The following WDFY3 variants were observed in gnomAD, a reference collection of about 807,000 sequenced individuals.
WDFY3 encodes WD repeat and FYVE domain-containing protein 3.
WDFY3 carries 66 observed loss-of-function variants against 409.6 expected under a neutral mutation model. That is an observed-to-expected ratio of 0.16 (90% confidence interval 0.13 to 0.20). The LOEUF (loss-of-function observed/expected upper bound fraction) is 0.20, where lower values mean the gene tolerates loss of function less well. WDFY3 is among the 10% of genes least tolerant of loss of function. The probability of loss-of-function intolerance (pLI) is 1.00; values close to 1 mark genes in which losing one functional copy is unlikely to be tolerated. For synonymous variants in WDFY3, 1,521 were observed against 1,537.1 expected (o/e 0.99, Z 0.25); for missense variants, 3,031 against 4,298.1 (o/e 0.71, Z 8.24).
chr4:84,727,285 C>G (rs113216935), intron 44 of WDFY3, among the ~76,000 whole-genome samples: 2,285 of 152,100 alleles, frequency 0.015, 20 homozygotes, highest in Middle Eastern at 0.034. Context: ...ATAATAGAAC[C>G]TAATGCTAGC....
intron 24 of WDFY3, among the ~76,000 whole-genome samples, chr4:84,783,789 T>C (rs1288516867): frequency 6.6e-6 from 1 of 152,110 alleles, no homozygotes; most frequent in Non-Finnish European, 1.5e-5. Context: ...AAGGCAAATA[T>C]AACTTTAATT....
chr4:84,848,717 G>A (rs1297886250), intron 5 of WDFY3, among the ~76,000 whole-genome samples: 2 of 152,176 alleles, frequency 1.3e-5, no homozygotes, highest in African/African-American at 4.8e-5. Flanking sequence ...AGAACAATGG[G>A]GGATGGAGAG....
intron 7 of WDFY3, among the ~76,000 whole-genome samples, chr4:84,836,250 C>A (rs1316576334): frequency 1.3e-5 from 2 of 152,150 alleles, no homozygotes; most frequent in African/African-American, 4.8e-5. Flanking sequence ...AGTGGAATCA[C>A]GCAGTATTTG....
rs1217124922 is a variant in WDFY3 at position 84,759,543 on chromosome 4, G to A, written c.5189-2382C>T. Among the ~76,000 whole-genome samples, 75 of 150,630 alleles carry A rather than the reference G, an allele frequency of 5.0e-4. 1 individual carries two copies. Among genetic ancestry groups the A allele is most frequent in the African/African-American group, 1.7e-3 (68 of 40,890 alleles). ...ACATCCCTTGTAAGGTGGATTCCTA[G>A]GTATTTTATTCTCTTTGAAGCAATT... On this transcript the variant is annotated intron_variant, in intron 32 of 67. Coordinates refer to ENST00000295888, the MANE Select transcript of WDFY3 (RefSeq NM_014991.6).
chr4:84,698,789 G>A lies in WDFY3; in HGVS notation c.8597-1966C>T, dbSNP rs1244165191. Among the ~76,000 whole-genome samples the A allele has an allele frequency of 2.6e-5, 4 of 152,278 alleles. No homozygotes were observed. The East Asian group carries it at 7.7e-4, about 29-fold the overall frequency. The stretch of plus-strand genomic sequence containing the variant: ...GCTCACTGCAACATCTGCCTCCCGG[G>A]TGAGTCTTGTGCCTCAGCCTTCTGA... On this transcript the variant is annotated intron_variant, in intron 56 of 67. Coordinates refer to ENST00000295888, the MANE Select transcript of WDFY3 (RefSeq NM_014991.6).
chr4:84,817,508 T>A lies in WDFY3; in HGVS notation c.1771A>T (p.Met591Leu). The change falls in exon 13 of 68, where the codon ATG becomes TTG. Residue 591 changes from methionine (M) to leucine (L), a missense_variant. Around this residue, in one of 16 missense-constraint regions of WDFY3, gnomAD observed 1,322 missense variants for 1,697.9 expected, o/e 0.78. Transcript: ENST00000295888. ...KYPQCRQHAL[M>L]TIQQLVLSPN... Reference sequence around the variant, plus strand: ...GAGAGCACCAGCTGTTGGATAGTCATCAAGGCATGCTGCCGGCATTGAGGG... The same window carrying A: ...GAGAGCACCAGCTGTTGGATAGTCAACAAGGCATGCTGCCGGCATTGAGGG... The A allele has an allele frequency of 1.2e-6, 2 of 1,613,856 alleles. No homozygotes were observed. The highest frequency in any genetic ancestry group is 1.7e-6 in the Non-Finnish European group (2 of 1,179,824).
chr4:84,690,569 C>T lies in WDFY3; in HGVS notation c.9300G>A (p.Thr3100=), dbSNP rs376289492. ...PKLVITGGTS[T]VVCVWEMGTS... ...TGCCCATCTCCCACACACACACAAC[C>T]GTGCTTGTTCCACCCGTGATGACCA... Residue 3100 remains threonine, a synonymous_variant, in exon 61 of 68, where the codon ACG becomes ACA. Coordinates refer to ENST00000295888, the MANE Select transcript of WDFY3 (RefSeq NM_014991.6). The T allele has an allele frequency of 6.8e-6, 11 of 1,614,144 alleles. No homozygotes were observed. Among genetic ancestry groups the T allele is most frequent in the African/African-American group, 4.0e-5 (3 of 75,036 alleles).
At chr4:84,767,870 G>T (rs968694363) in intron 30 of WDFY3, among the ~76,000 whole-genome samples, 2 of 152,126 alleles carry the variant, frequency 1.3e-5, no homozygotes, top group African/African-American at 4.8e-5. Context: ...AATCTCTTGA[G>T]TACAGGAGTT....
intron 44 of WDFY3, 120 bp from the exon 45 acceptor site, chr4:84,727,031 T>A: frequency 1.2e-6 from 1 of 818,968 alleles, no homozygotes; most frequent in Non-Finnish European, 1.9e-6. Context: ...CAAACAAAAT[T>A]AACATGATAG....
At chr4:84,914,362 C>T (rs764596247) in intron 2 of WDFY3, among the ~76,000 whole-genome samples, 1 of 151,950 alleles carries the variant, frequency 6.6e-6, no homozygotes, top group Non-Finnish European at 1.5e-5. Context: ...TGCAGTGGTC[C>T]GAGATAGCGC....
At chr4:84,709,813 A>C (rs1732580976) in intron 51 of WDFY3, among the ~76,000 whole-genome samples, 1 of 152,086 alleles carries the variant, frequency 6.6e-6, no homozygotes, top group African/African-American at 2.4e-5. Context: ...TGCAGCCTCT[A>C]CCTCCTGGGT....
rs1184608773 is a variant in WDFY3, at chr4:84,766,336, T to G, written c.4886A>C (p.Asn1629Thr). Residue 1629 changes from asparagine to threonine, a missense_variant, in exon 31 of 68, where the codon AAT (asparagine) becomes ACT (threonine). Physicochemically the swap from Asn to Thr is moderately conservative, Grantham distance 65. Around this residue, in one of 16 missense-constraint regions of WDFY3, gnomAD observed 342 missense variants for 463.7 expected, o/e 0.74. Coordinates refer to ENST00000295888, the MANE Select transcript of WDFY3 (RefSeq NM_014991.6). Reference protein sequence around the residue: ...EEEFGGLVSANLILLRNRLLD... With the variant: ...EEEFGGLVSATLILLRNRLLD... ...AAGTCTGTTCCTCAAAAGTATAAGA[T>G]TAGCTGATACAAGACCTCCAAACTC... 6.2e-7 allele frequency: 1 copy of G among 1,603,944 alleles called. No homozygotes were observed. Among genetic ancestry groups the G allele is most frequent in the African/African-American group, 1.3e-5 (1 of 74,440 alleles).
intron 3 of WDFY3, among the ~76,000 whole-genome samples, chr4:84,868,735 T>A (rs1347355101): frequency 2.6e-5 from 4 of 152,196 alleles, no homozygotes; most frequent in Admixed American, 6.5e-5. Flanking sequence ...TCTGGAACCC[T>A]TTCTACAACA....
rs578212336 is a variant in WDFY3, at chr4:84,929,400, A to G, written c.-132+2870T>C. Among the ~76,000 whole-genome samples the G allele has an allele frequency of 2.0e-5, 3 of 151,976 alleles. No homozygotes were observed. In the South Asian group the frequency reaches 6.2e-4, roughly 32 times the overall value. ...TCAGATTCCCGATCAACAAAAACAG[A>G]TAATGTTTGCAGTTTTAATCTGAGA... On this transcript the variant is annotated intron_variant, in intron 2 of 67. Transcript: ENST00000295888.
intron 44 of WDFY3, among the ~76,000 whole-genome samples, chr4:84,732,032 T>C (rs1736686197): frequency 6.6e-6 from 1 of 152,222 alleles, no homozygotes; most frequent in African/African-American, 2.4e-5. Flanking sequence ...GCTTTGCTCT[T>C]ATAAAAGTAA....
intron 2 of WDFY3, among the ~76,000 whole-genome samples, chr4:84,929,278 C>G (rs1436616632): frequency 1.3e-5 from 2 of 152,074 alleles, no homozygotes; most frequent in Non-Finnish European, 2.9e-5. Context: ...GAAGCAGATC[C>G]TCCCCCAGGA....
At chr4:84,876,805 C>CAA (rs1002905916) in intron 3 of WDFY3, among the ~76,000 whole-genome samples, 14 of 150,936 alleles carry the variant, frequency 9.3e-5, no homozygotes, top group African/African-American at 3.4e-4. Context: ...TTACATATTA[C>CAA]AACATGAAAA....
At position 84,789,627 on chromosome 4, in the gene WDFY3, C is replaced by G. The variant is rs2149537089; in HGVS notation, c.3669+99G>C. The G allele has an allele frequency of 3.5e-6, 4 of 1,158,708 alleles. No homozygotes were observed. In the African/African-American group the frequency reaches 5.3e-5, roughly 15 times the overall value. The allele number at this position is 1,158,708 out of a possible 1,614,324, so 71.8% of individuals were successfully genotyped here. On this transcript the variant is annotated intron_variant, in intron 22 of 67. Coordinates refer to ENST00000295888, the MANE Select transcript of WDFY3 (RefSeq NM_014991.6). ...TTAAGAAAGTAATTTTAAAAATATC[C>G]CTGTAACACACACACACACACACAC...
At chr4:84,951,699 C>A (rs1400615157) in intron 1 of WDFY3, among the ~76,000 whole-genome samples, 1 of 152,210 alleles carries the variant, frequency 6.6e-6, no homozygotes, top group Non-Finnish European at 1.5e-5. Flanking sequence ...CAATTAGATA[C>A]TGCAATGCAA....
Sources: gnomAD v4.1 joint callset for allele counts (sites outside exome capture counted in the v4.1 genomes callset) on GRCh38, gnomAD v4.1.1 for gene constraint, gnomAD v4.1.1 regional missense constraint, MANE v1.5 for transcripts, NCBI Gene and HGNC (gene_info 2026-07-23, HGNC 2026-07-21) for gene names.